Variants in TENM4 observed in about 807,000 individuals in gnomAD.
The protein encoded by TENM4 is teneurin transmembrane protein 4.
In TENM4, 82 loss-of-function variants were observed where a neutral mutation model predicts 243.3. The ratio of observed to expected loss-of-function variants is 0.34; its 90% CI spans 0.28 to 0.40. TENM4 has a LOEUF of 0.40. Ranked by LOEUF, TENM4 falls within the 10% of genes least tolerant of loss-of-function variation. The pLI is 1.00. For synonymous variants in TENM4, 1,412 were observed against 1,456.3 expected (o/e 0.97, Z 0.69); for missense variants, 3,138 against 3,673.3 (o/e 0.85, Z 3.77).
intron 12 of TENM4, 24 bp downstream of exon 12, chr11:78,854,080 C>A (rs1383331313): frequency 6.5e-7 from 1 of 1,546,174 alleles, no homozygotes; most frequent in Non-Finnish European, 8.7e-7. Flanking sequence ...ATCCCACAGC[C>A]CCCAGAGGGT....
At chr11:79,085,251 C>G (rs939955350) in intron 4 of TENM4, among the ~76,000 whole-genome samples, 2 of 151,698 alleles carry the variant, frequency 1.3e-5, no homozygotes, top group Non-Finnish European at 2.9e-5. Context: ...GTGGCGGGCA[C>G]CTGTAGTTCC....
At chr11:78,899,560 G>GGGC (rs1555098909) in intron 7 of TENM4, among the ~76,000 whole-genome samples, 1 of 80,782 alleles carries the variant, frequency 1.2e-5, no homozygotes, top group South Asian at 5.0e-4. Flanking sequence ...CTCAAAAAGC[G>GGGC]GGGGGGGGGG....
At chr11:79,312,791 G>C (rs1011724953) in intron 1 of TENM4, among the ~76,000 whole-genome samples, 3 of 152,148 alleles carry the variant, frequency 2.0e-5, no homozygotes, top group Admixed American at 1.3e-4. Flanking sequence ...CTGCAGAGTG[G>C]ATCCAACCCC....
rs980419467 is a variant in TENM4, at chr11:79,079,234, GA to G, written c.-65-9226del. ...GTGACAGATGGTGCCGCTGTCTACA[GA>G]AGCCATCTTGCCCTTCTGTTAGAGA... On this transcript the variant is annotated intron_variant, in intron 4 of 33. Transcript: ENST00000278550. Among the ~76,000 whole-genome samples, 61 of 152,302 alleles carry G rather than the reference GA, an allele frequency of 4.0e-4. 1 individual carries two copies. Among genetic ancestry groups the G allele is most frequent in the African/African-American group, 1.4e-3 (59 of 41,572 alleles).
At chr11:79,370,183 G>T (rs1264950725) in intron 1 of TENM4, among the ~76,000 whole-genome samples, 1 of 152,250 alleles carries the variant, frequency 6.6e-6, no homozygotes, top group Non-Finnish European at 1.5e-5. Flanking sequence ...CCTGAGCCAG[G>T]CTCCTGCTCA....
intron 7 of TENM4, among the ~76,000 whole-genome samples, chr11:78,897,110 G>A (rs1855816542): frequency 6.6e-6 from 1 of 152,120 alleles, no homozygotes. Flanking sequence ...TTGCCGGGCA[G>A]GGGGTGCCGA....
rs997632755 is a variant in TENM4, at chr11:79,092,660, A to G, written c.-65-22651T>C. ...TCTCTTCATTCTTATCCCCTGCTCA[A>G]TGAGTCAAGTTAGTACATTAATAAA... On this transcript the variant is annotated intron_variant, in intron 4 of 33. Coordinates refer to ENST00000278550, the MANE Select transcript of TENM4 (RefSeq NM_001098816.3). Among the ~76,000 whole-genome samples, 214 of 152,240 alleles carry G rather than the reference A, an allele frequency of 1.4e-3. 25 individuals are homozygous for G. Among genetic ancestry groups the G allele is most frequent in the Non-Finnish European group, 2.9e-5 (2 of 68,050 alleles).
intron 16 of TENM4, 53 bp downstream of exon 16, chr11:78,786,845 C>A: frequency 6.4e-7 from 1 of 1,561,568 alleles, no homozygotes. Flanking sequence ...CCCCAACAGA[C>A]AAAGATGTCC....
rs756386973 is a variant in TENM4, at chr11:78,757,012, A to G, written c.2549T>C (p.Val850Ala). The G allele has an allele frequency of 3.1e-6, 5 of 1,613,786 alleles. No individual in the cohort carries two copies. In the East Asian group the frequency reaches 1.1e-4, roughly 36 times the overall value. ...DSKDNDGDGL[V>A]DCMDPDCCLQ... ...GCAGCAGTCAGGGTCCATGCAGTCCACCAGGCCATCTGCAGGAGTGACAGA... is the reference window on the plus strand; with the variant it reads ...GCAGCAGTCAGGGTCCATGCAGTCCGCCAGGCCATCTGCAGGAGTGACAGA... The change falls in exon 19 of 34, where the codon GTG becomes GCG. Residue 850 changes from valine to alanine, a missense_variant. Coordinates refer to ENST00000278550, the MANE Select transcript of TENM4 (RefSeq NM_001098816.3).
At chr11:79,237,881 C>G (rs1285515776) in intron 2 of TENM4, among the ~76,000 whole-genome samples, 2 of 152,124 alleles carry the variant, frequency 1.3e-5, no homozygotes, top group Non-Finnish European at 2.9e-5. Context: ...AATCAAAGTT[C>G]TCTAACCATA....
intron 15 of TENM4, among the ~76,000 whole-genome samples, chr11:78,798,711 C>G (rs1446570478): frequency 1.3e-5 from 2 of 152,092 alleles, no homozygotes; most frequent in East Asian, 3.9e-4. Context: ...TGCATGCTCT[C>G]TACTTGTGCA....
At chr11:79,401,421 A>G (rs997007240) in intron 1 of TENM4, among the ~76,000 whole-genome samples, 2 of 152,206 alleles carry the variant, frequency 1.3e-5, no homozygotes, top group African/African-American at 4.8e-5. Context: ...TTGAGATGCA[A>G]AGGAATAAAC....
At chr11:79,110,651 A>G (rs1448922485) in intron 4 of TENM4, among the ~76,000 whole-genome samples, 2 of 152,226 alleles carry the variant, frequency 1.3e-5, no homozygotes, top group African/African-American at 4.8e-5. Flanking sequence ...AGCCAGGTCC[A>G]TAGAAACGTG....
intron 32 of TENM4, among the ~76,000 whole-genome samples, chr11:78,664,756 G>A (rs895681134): frequency 3.9e-5 from 6 of 152,066 alleles, no homozygotes; most frequent in African/African-American, 1.4e-4. Context: ...CAGAACAGGA[G>A]GAAAAAATGC....
intron 2 of TENM4, among the ~76,000 whole-genome samples, chr11:79,218,613 G>C (rs924628360): frequency 4.6e-5 from 7 of 152,182 alleles, no homozygotes; most frequent in East Asian, 1.9e-4. Flanking sequence ...AGAAGCTGCA[G>C]AGCTACAGTT....
At chr11:79,001,466 G>A (rs981900932) in intron 6 of TENM4, among the ~76,000 whole-genome samples, 7 of 136,944 alleles carry the variant, frequency 5.1e-5, no homozygotes, top group South Asian at 4.4e-4. Flanking sequence ...CCAGAATCCT[G>A]GCAGCAGGAG....
chr11:79,087,154 G>A (rs1246406049), intron 4 of TENM4, among the ~76,000 whole-genome samples: 23 of 152,136 alleles, frequency 1.5e-4, no homozygotes, highest in African/African-American at 4.3e-4. Context: ...CTATGATCCT[G>A]TATTAAATAA....
intron 6 of TENM4, among the ~76,000 whole-genome samples, chr11:79,020,085 C>T (rs1858887071): frequency 6.6e-6 from 1 of 152,180 alleles, no homozygotes; most frequent in Admixed American, 6.5e-5. Flanking sequence ...AAACTCATCA[C>T]TTCTTTGTTA....
At chr11:78,986,662 C>T (rs1299260588) in intron 6 of TENM4, among the ~76,000 whole-genome samples, 2 of 152,126 alleles carry the variant, frequency 1.3e-5, no homozygotes, top group East Asian at 1.9e-4. Flanking sequence ...CTCCCTCCAC[C>T]TCCCGAGTTC....
Sources: allele counts gnomAD v4.1 joint callset (sites outside exome capture counted in the v4.1 genomes callset), GRCh38; gene constraint gnomAD v4.1.1; transcripts MANE v1.5; gene names NCBI Gene and HGNC (gene_info 2026-07-23, HGNC 2026-07-21).